Variants in CXCL13 observed in about 807,000 individuals in gnomAD.
CXCL13 encodes the protein C-X-C motif chemokine ligand 13.
A neutral mutation model predicts 12.2 loss-of-function variants in CXCL13; 7 were observed. The observed-to-expected ratio is 0.57, with a 90% CI of 0.33 to 1.07. The LOEUF is 1.07. CXCL13 is among the 50% of genes least tolerant of loss of function. The pLI is 0.04. For missense variants in CXCL13, 113 were observed against 127.4 expected (o/e 0.89, Z 0.55); for synonymous variants, 47 against 42.4 (o/e 1.11, Z -0.42).
intron 1 of CXCL13, among the ~76,000 whole-genome samples, chr4:77,558,373 T>TA (rs1234666053): frequency 1.3e-5 from 2 of 152,062 alleles, no homozygotes; most frequent in African/African-American, 4.8e-5. Flanking sequence ...TTTTTTTTTT[T>TA]AAGGAGTCTC....
chr4:77,577,368 A>C (rs747496283), intron 1 of CXCL13, among the ~76,000 whole-genome samples: 21 of 152,270 alleles, frequency 1.4e-4, no homozygotes, highest in Non-Finnish European at 2.4e-4. Context: ...CCACCAAGAC[A>C]CATTTTTGGT....
At chr4:77,586,073 G>A (rs1726449666) in intron 1 of CXCL13, among the ~76,000 whole-genome samples, 2 of 152,098 alleles carry the variant, frequency 1.3e-5, no homozygotes, top group South Asian at 4.1e-4. Flanking sequence ...GTGATGACTT[G>A]TAAAAATTAA....
chr4:77,556,715 A>T (rs1266432214), intron 1 of CXCL13, among the ~76,000 whole-genome samples: 1 of 152,226 alleles, frequency 6.6e-6, no homozygotes, highest in Non-Finnish European at 1.5e-5. Flanking sequence ...TCAAAGATGA[A>T]TCCAGAATAT....
chr4:77,601,881 C>G (rs915578589), upstream of CXCL13, among the ~76,000 whole-genome samples: 2 of 152,142 alleles, frequency 1.3e-5, no homozygotes, highest in African/African-American at 2.4e-5. Flanking sequence ...GGATACAAAC[C>G]GAGCCAGTCT....
At chr4:77,573,360 TTTTGTGTGTGTGTG>T (rs1726133630) in intron 1 of CXCL13, among the ~76,000 whole-genome samples, 1 of 134,528 alleles carries the variant, frequency 7.4e-6, no homozygotes, top group African/African-American at 3.0e-5. Flanking sequence ...CTATTGGGTC[TTTTGTGTGTGTGTG>T]TGTGTGTGTG....
chr4:77,601,596 T>G (rs565291910), upstream of CXCL13, among the ~76,000 whole-genome samples: 4 of 152,352 alleles, frequency 2.6e-5, no homozygotes, highest in East Asian at 7.7e-4. Context: ...ATCACCTATG[T>G]GCCTACTGGA....
Position 77,571,382 on chromosome 4 carries a change from T to G in CXCL13, c.-42-34442T>G, listed in dbSNP as rs369155956. Among the ~76,000 whole-genome samples the G allele has an allele frequency of 3.3e-5, 5 of 151,488 alleles. No individual in the cohort carries two copies. The East Asian group carries it at 9.7e-4, about 29-fold the overall frequency. On this transcript the variant is annotated intron_variant, in intron 1 of 4. Transcript: ENST00000286758. ...GTATCTAGCTGCTCTGGTGGGGATG[T>G]GGAGAACCTTTATGTCTAGCTCAGG...
At chr4:77,598,031 A>T (rs1726802856) in intron 1 of CXCL13, among the ~76,000 whole-genome samples, 1 of 152,238 alleles carries the variant, frequency 6.6e-6, no homozygotes, top group Admixed American at 6.5e-5. Flanking sequence ...AGCTGAGAAA[A>T]GGGAACCATT....
At chr4:77,583,706 T>C (rs1726390084) in intron 1 of CXCL13, among the ~76,000 whole-genome samples, 1 of 152,170 alleles carries the variant, frequency 6.6e-6, no homozygotes, top group African/African-American at 2.4e-5. Context: ...AAATTCTTAT[T>C]TGCATTGACC....
intron 1 of CXCL13, among the ~76,000 whole-genome samples, chr4:77,562,069 C>A (rs537618393): frequency 6.6e-6 from 1 of 152,130 alleles, no homozygotes; most frequent in Admixed American, 6.5e-5. Flanking sequence ...ACCAGGGCTG[C>A]GCTCGAATTC....
At chr4:77,550,403 A>C (rs912626524) in intron 1 of CXCL13, among the ~76,000 whole-genome samples, 16 of 152,334 alleles carry the variant, frequency 1.1e-4, no homozygotes, top group Admixed American at 9.8e-4. Flanking sequence ...GGAAATGCAG[A>C]AATCATCTGT....
intron 1 of CXCL13, among the ~76,000 whole-genome samples, chr4:77,515,221 A>G (rs1724385234): frequency 6.6e-6 from 1 of 152,188 alleles, no homozygotes; most frequent in Non-Finnish European, 1.5e-5. Context: ...CTTGTAGTAT[A>G]GTTTGAAGTC....
chr4:77,551,034 A>T (rs1183349178), intron 1 of CXCL13, among the ~76,000 whole-genome samples: 1 of 152,134 alleles, frequency 6.6e-6, no homozygotes, highest in Non-Finnish European at 1.5e-5. Context: ...TGTGAGATAG[A>T]TCTCTTGAAG....
At chr4:77,522,343 A>G (rs1724629724) in intron 1 of CXCL13, among the ~76,000 whole-genome samples, 1 of 151,660 alleles carries the variant, frequency 6.6e-6, no homozygotes. Context: ...GTCTCTAAGG[A>G]CTTGCTTTAT....
chr4:77,566,980 A>C (rs893570455), intron 1 of CXCL13, among the ~76,000 whole-genome samples: 9 of 152,220 alleles, frequency 5.9e-5, no homozygotes, highest in African/African-American at 2.2e-4. Context: ...TCACAAATGA[A>C]GTGAAAATAG....
At position 77,537,385 on chromosome 4, in the gene CXCL13, C is replaced by T. The variant is rs534672195; in HGVS notation, c.-43+25597C>T. Among the ~76,000 whole-genome samples the T allele has an allele frequency of 6.6e-4, 100 of 152,184 alleles. 1 individual carries two copies. The highest frequency in any genetic ancestry group is 1.2e-3 in the Non-Finnish European group (80 of 68,040). ...GGGAAATCAATATCCCAACCTACCT[C>T]TCCATCACACCTCCAGCTTGTTGTC... is the stretch of plus-strand genomic sequence containing the variant. On this transcript the variant is annotated intron_variant, in intron 1 of 4. Transcript: ENST00000286758.
At chr4:77,554,105 G>A (rs984236448) in intron 1 of CXCL13, among the ~76,000 whole-genome samples, 1 of 151,976 alleles carries the variant, frequency 6.6e-6, no homozygotes, top group Non-Finnish European at 1.5e-5. Flanking sequence ...AAACCAACCA[G>A]AACAGTTCCC....
At chr4:77,604,706 T>C (rs1337966148), upstream of CXCL13, among the ~76,000 whole-genome samples, 2 of 152,086 alleles carry the variant, frequency 1.3e-5, no homozygotes, top group Non-Finnish European at 2.9e-5. Context: ...TGTGTGAAGG[T>C]TGTGTGGCAT....
chr4:77,525,276 A>G (rs943801884), intron 1 of CXCL13, among the ~76,000 whole-genome samples: 1 of 152,368 alleles, frequency 6.6e-6, no homozygotes, highest in East Asian at 1.9e-4. Flanking sequence ...TGTGTAACAA[A>G]GTGTTTATTT....
Sources: allele counts gnomAD v4.1 joint callset (sites outside exome capture counted in the v4.1 genomes callset), GRCh38; gene constraint gnomAD v4.1.1; transcripts MANE v1.5; gene names NCBI Gene and HGNC (gene_info 2026-07-23, HGNC 2026-07-21).